Variants in DUSP3 observed in about 807,000 individuals in gnomAD.
DUSP3 encodes dual specificity phosphatase 3.
In DUSP3, 7 loss-of-function variants were observed where a neutral mutation model predicts 15.5. That is an observed-to-expected ratio of 0.45 (90% CI 0.26 to 0.85). DUSP3 has a LOEUF of 0.85. Among genes scored for constraint, DUSP3 ranks in the 40% least tolerant of loss-of-function variants. DUSP3 has a pLI of 0.18. For synonymous variants in DUSP3, 86 were observed against 104.2 expected (o/e 0.83, Z 1.07); for missense variants, 209 against 251.7 (o/e 0.83, Z 1.15).
chr17:43,778,090 G>GGTTGCAGTGAGCCGAGATCTCGCC (rs1974411808), intron 1 of DUSP3: 2 of 153,350 alleles, frequency 1.3e-5, no homozygotes, highest in Middle Eastern at 3.3e-3. Flanking sequence ...AGGAGGCAGA[G>GGTTGCAGTGAGCCGAGATCTCGCC]GTTGCAGTGA....
At chr17:43,770,434 G>C (rs556844073) in intron 2 of DUSP3, among the ~76,000 whole-genome samples, 2 of 152,154 alleles carry the variant, frequency 1.3e-5, no homozygotes, top group Non-Finnish European at 2.9e-5. Context: ...AAGGCAACTG[G>C]ATCACAAGGT....
At chr17:43,769,906 C>G in intron 2 of DUSP3, 92 bp from the exon 3 acceptor site, 3 of 1,338,418 alleles carry the variant, frequency 2.2e-6, no homozygotes, top group Non-Finnish European at 3.1e-6. Flanking sequence ...CACTTAAAAG[C>G]ACAATGTCAC....
rs912864984 is a variant in DUSP3 at position 43,769,136 on chromosome 17, G to C, written c.*473C>G. 5.7e-6 allele frequency: 1 copy of C among 174,844 alleles called. No individual in the cohort carries two copies. Among genetic ancestry groups the C allele is most frequent in the African/African-American group, 2.4e-5 (1 of 41,628 alleles). 10.8% of individuals were successfully genotyped at this position (174,844 alleles called of 1,614,324 possible). A position where few individuals can be genotyped will look rare whatever the true frequency, so the allele number is the denominator to read the frequency against. The stretch of plus-strand genomic sequence containing the variant: ...CAGGGTGTGGAAGGCTGTGGGGACA[G>C]TGCAGGGCACAGACGTGGTGGGGAG... On this transcript the variant is annotated 3_prime_UTR_variant, in exon 3 of 3. Transcript: ENST00000226004.
chr17:43,768,035 C>T lies in DUSP3; in HGVS notation c.*1574G>A, dbSNP rs1230399. On this transcript the variant is annotated 3_prime_UTR_variant, in exon 3 of 3. Transcript: ENST00000226004. ...CAACAAAAGTCCCTGATATTTCTTTCGTTTTAGGTAAGACTCCTTCACAAG... is the reference window on the plus strand; with the variant it reads ...CAACAAAAGTCCCTGATATTTCTTTTGTTTTAGGTAAGACTCCTTCACAAG... 0.66 allele frequency: 100,837 copies of T among 152,082 alleles called. 34,389 individuals are homozygous for T. Among genetic ancestry groups the T allele is most frequent in the East Asian group, 0.86 (4,440 of 5,174 alleles). The allele number at this position is 152,082 out of a possible 1,614,324, so 9.4% of individuals were successfully genotyped here.
At chr17:43,777,661 G>A in intron 1 of DUSP3, 1 of 414,202 alleles carries the variant, frequency 2.4e-6, no homozygotes, top group East Asian at 7.2e-5. Flanking sequence ...ATGAAGCTTA[G>A]GATTTTGGTA....
At chr17:43,770,903 C>T (rs62078607) in intron 2 of DUSP3, among the ~76,000 whole-genome samples, 6,802 of 151,478 alleles carry the variant, frequency 0.045, 263 homozygotes, top group Admixed American at 0.063. Context: ...GGACTACAGG[C>T]GCATGCCACC....
intron 2 of DUSP3, among the ~76,000 whole-genome samples, chr17:43,770,309 T>G (rs1420533835): frequency 6.6e-6 from 1 of 152,098 alleles, no homozygotes; most frequent in Non-Finnish European, 1.5e-5. Context: ...CACACACATA[T>G]GAGGTGGATG....
At chr17:43,775,880 G>A (rs1189188942) in intron 1 of DUSP3, among the ~76,000 whole-genome samples, 2 of 152,166 alleles carry the variant, frequency 1.3e-5, no homozygotes, top group African/African-American at 4.8e-5. Context: ...CTGGGAAGCC[G>A]AGGCAGGTGG....
At chr17:43,778,588 C>T (rs574683349) in intron 1 of DUSP3, among the ~76,000 whole-genome samples, 1 of 152,276 alleles carries the variant, frequency 6.6e-6, no homozygotes, top group South Asian at 2.1e-4. Flanking sequence ...GGGGAAGGGC[C>T]GCGCCCGGCC....
intron 1 of DUSP3, chr17:43,777,643 GC>G (rs1822656319): frequency 2.3e-6 from 1 of 437,696 alleles, no homozygotes; most frequent in East Asian, 7.0e-5. Context: ...CCATCCTTGG[GC>G]TGAGCCATGA....
chr17:43,774,913 G>C lies in DUSP3; in HGVS notation c.151C>G (p.Leu51Val). 6.2e-7 allele frequency: 1 copy of C among 1,614,222 alleles called. No homozygotes were observed. Among genetic ancestry groups the C allele is most frequent in the Non-Finnish European group, 8.5e-7 (1 of 1,180,042 alleles). Residue 51 changes from leucine to valine, a missense_variant, in exon 2 of 3, where the codon CTG (leucine) becomes GTG (valine). Physicochemically the swap from Leu to Val is conservative, Grantham distance 32 (BLOSUM62 1). Transcript: ENST00000226004. The part of the protein sequence containing the change: ...NASVAQDIPK[L>V]QKLGITHVLN... The stretch of plus-strand genomic sequence containing the variant: ...ACATGGGTGATGCCTAGTTTCTGCA[G>C]CTTGGGGATGTCCTGAGCCACAGAC...
At position 43,774,870 on chromosome 17, in the gene DUSP3, C is replaced by T. The variant is rs1343921360; in HGVS notation, c.194G>A (p.Gly65Asp). The T allele has an allele frequency of 6.2e-7, 1 of 1,614,048 alleles. No individual in the cohort carries two copies. Among genetic ancestry groups the T allele is most frequent in the Non-Finnish European group, 8.5e-7 (1 of 1,180,034 alleles). ...GGTGTTGACGTGCATGAAGGACCTG[C>T]CCTCAGCCGCGTTCAGCACATGGGT... ...GITHVLNAAE[G>D]RSFMHVNTNA... The change falls in exon 2 of 3, where the codon GGC (glycine) becomes GAC (aspartate). Residue 65 changes from glycine to aspartate, a missense_variant. Gly to Asp is a moderately conservative substitution (Grantham distance 94). Coordinates refer to ENST00000226004, the MANE Select transcript of DUSP3 (RefSeq NM_004090.4).
intron 1 of DUSP3, chr17:43,777,667 T>C (rs1485348342): frequency 2.4e-6 from 1 of 409,980 alleles, no homozygotes; most frequent in East Asian, 7.2e-5. Flanking sequence ...CTTAGGATTT[T>C]GGTAACTGGG....
rs1165587694 is a variant in DUSP3, at chr17:43,766,710, G to C, written c.*2899C>G. 1 of 152,466 alleles carries C rather than the reference G, an allele frequency of 6.6e-6. No homozygotes were observed. Among genetic ancestry groups the C allele is most frequent in the Non-Finnish European group, 1.5e-5 (1 of 68,034 alleles). 9.4% of individuals were successfully genotyped at this position (152,466 alleles called of 1,614,324 possible). A position where few individuals can be genotyped will look rare whatever the true frequency, so the allele number is the denominator to read the frequency against. ...CTCAGAGCCAAAAGGGGACCTTAGA[G>C]GTCTTCTAGATGAGTCCCCTCATTT... On this transcript the variant is annotated 3_prime_UTR_variant, in exon 3 of 3. Transcript: ENST00000226004.
At chr17:43,777,454 A>G (rs7220547) in intron 1 of DUSP3, 8,975 of 454,862 alleles carry the variant, frequency 0.02, 683 homozygotes, top group African/African-American at 0.16. Flanking sequence ...TTCTAGTTCC[A>G]TGATGACCCC....
chr17:43,775,302 A>G (rs1424855894), intron 1 of DUSP3, among the ~76,000 whole-genome samples: 3 of 152,052 alleles, frequency 2.0e-5, no homozygotes, highest in African/African-American at 4.8e-5. Context: ...TACATAGCCA[A>G]CTGGTTACAG....
chr17:43,777,385 T>C, intron 1 of DUSP3: 1 of 395,380 alleles, frequency 2.5e-6, no homozygotes, highest in South Asian at 1.8e-5. Context: ...CTCAGACTGG[T>C]GAATGAATGA....
At position 43,770,145 on chromosome 17, in the gene DUSP3, C is replaced by T. The variant is rs114992897; in HGVS notation, c.353-331G>A. ...CCCAGGCCCAGGTCCAATAGAGATACGCATTCACATTCACGAACATGGGCC... is the reference window on the plus strand; with the variant it reads ...CCCAGGCCCAGGTCCAATAGAGATATGCATTCACATTCACGAACATGGGCC... On this transcript the variant is annotated intron_variant, in intron 2 of 2. Coordinates refer to ENST00000226004, the MANE Select transcript of DUSP3 (RefSeq NM_004090.4). Among the ~76,000 whole-genome samples, 386 of 152,260 alleles carry T rather than the reference C, an allele frequency of 2.5e-3. 1 individual carries two copies. Among genetic ancestry groups the T allele is most frequent in the African/African-American group, 8.4e-3 (349 of 41,554 alleles).
At position 43,774,794 on chromosome 17, in the gene DUSP3, G is replaced by A; in HGVS notation, c.270C>T (p.Ala90=). The A allele has an allele frequency of 6.2e-7, 1 of 1,614,184 alleles. No homozygotes were observed. The highest frequency in any genetic ancestry group is 1.1e-5 in the South Asian group (1 of 91,082). ...TGAGGTTGAACTCCTGTGTGTCGTTGGCCTTGATGCCCAGGTATGTGATGC... is the reference window on the plus strand; with the variant it reads ...TGAGGTTGAACTCCTGTGTGTCGTTAGCCTTGATGCCCAGGTATGTGATGC... ...DSGITYLGIK[A]NDTQEFNLSA... Residue 90 remains alanine, a synonymous_variant, in exon 2 of 3, where the codon GCC becomes GCT. Transcript: ENST00000226004.
Sources: allele counts gnomAD v4.1 joint callset (sites outside exome capture counted in the v4.1 genomes callset), GRCh38; gene constraint gnomAD v4.1.1; transcripts MANE v1.5; gene names NCBI Gene and HGNC (gene_info 2026-07-23, HGNC 2026-07-21).